The following ABCC4 variants were observed in gnomAD, a reference collection of about 807,000 sequenced individuals.
ABCC4 encodes ATP binding cassette subfamily C member 4 (PEL blood group).
A neutral mutation model predicts 168.5 loss-of-function variants in ABCC4; 102 were observed. The ratio of observed to expected loss-of-function variants is 0.61; its 90% CI spans 0.52 to 0.71. ABCC4 has a LOEUF of 0.71. Ranked by LOEUF, ABCC4 falls within the 30% of genes least tolerant of loss-of-function variation. The pLI is 0.00. For synonymous variants in ABCC4, 617 were observed against 590.7 expected, an observed-to-expected ratio of 1.04 and a Z score of -0.65; for missense variants, 1,402 against 1,605.8, an observed-to-expected ratio of 0.87 and a Z score of 2.17.
At chr13:95,157,865 A>C (rs545774935) in intron 19 of ABCC4, among the ~76,000 whole-genome samples, 2 of 151,996 alleles carry the variant, frequency 1.3e-5, no homozygotes, top group African/African-American at 2.4e-5. Flanking sequence ...AGGTCAGGAG[A>C]TCGAGACCAT....
rs116097308 is a variant in ABCC4 at position 95,137,306 on chromosome 13, G to A, written c.2456-21305C>T. The stretch of plus-strand genomic sequence containing the variant: ...TTCTTACTCAGAGCACAACATCTAT[G>A]CTTTGTCCTGCTCCAGCTCACAGGC... On this transcript the variant is annotated intron_variant, in intron 19 of 30. Transcript: ENST00000645237. Among the ~76,000 whole-genome samples the A allele has an allele frequency of 9.2e-3, 1,403 of 152,294 alleles. 30 individuals carry two copies. The highest frequency in any genetic ancestry group is 0.031 in the African/African-American group (1,296 of 41,544).
chr13:95,107,049 G>T (rs1353637746), intron 20 of ABCC4, among the ~76,000 whole-genome samples: 1 of 152,092 alleles, frequency 6.6e-6, no homozygotes, highest in Non-Finnish European at 1.5e-5. Context: ...CTGAGGTCAG[G>T]AGTTCAAGAC....
At chr13:95,164,272 C>T (rs554736910) in intron 16 of ABCC4, 106 bp downstream of exon 16, 10 of 1,403,258 alleles carry the variant, frequency 7.1e-6, no homozygotes, top group African/African-American at 2.9e-5. Flanking sequence ...AAAGACAGCA[C>T]ATTTCAATTC....
rs775316511 is a variant in ABCC4 at position 95,075,494 on chromosome 13, C to T, written c.2744G>A (p.Arg915Gln). ...SSSLQGLWTI[R>Q]AYKAEERCQE... is the part of the protein sequence containing the mutation. ...ACACCTCTCTTCTGCTTTGTATGCC[C>T]GGATGGTCCAGAGCCCCTGGAGAGA... is the stretch of plus-strand genomic sequence containing the variant. Residue 915 changes from arginine to glutamine, a missense_variant, in exon 22 of 31, where the codon CGG becomes CAG. By Grantham distance (43) the Arg-to-Gln change is conservative (BLOSUM62 1). Around this residue, in one of 3 missense-constraint regions of ABCC4, gnomAD observed 1,007 missense variants for 1,127.3 expected, o/e 0.89. Coordinates refer to ENST00000645237, the MANE Select transcript of ABCC4 (RefSeq NM_005845.5). 19 of 1,613,930 alleles carry T rather than the reference C, an allele frequency of 1.2e-5. No individual in the cohort carries two copies. The highest frequency in any genetic ancestry group is 2.2e-5 in the East Asian group (1 of 44,878).
At chr13:95,109,689 T>C (rs1245089958) in intron 20 of ABCC4, among the ~76,000 whole-genome samples, 2 of 152,186 alleles carry the variant, frequency 1.3e-5, no homozygotes, top group East Asian at 1.9e-4. Flanking sequence ...AGAGCTAGGA[T>C]TGGAAATTTG....
At chr13:95,075,831 A>G in intron 21 of ABCC4, 1 of 314,936 alleles carries the variant, frequency 3.2e-6, no homozygotes, top group Non-Finnish European at 5.8e-6. Flanking sequence ...TTCCTAACTC[A>G]GCCTTCCAGG....
intron 19 of ABCC4, among the ~76,000 whole-genome samples, chr13:95,119,187 A>C (rs900858127): frequency 3.3e-5 from 5 of 152,214 alleles, no homozygotes; most frequent in Non-Finnish European, 7.3e-5. Context: ...CTCACATTTA[A>C]TGTAAATCCA....
chr13:95,277,273 A>T (rs1201586985), intron 1 of ABCC4, among the ~76,000 whole-genome samples: 2 of 151,974 alleles, frequency 1.3e-5, no homozygotes, highest in East Asian at 3.9e-4. Flanking sequence ...AGAGGGGGTC[A>T]GAGTAACAGT....
intron 19 of ABCC4, among the ~76,000 whole-genome samples, chr13:95,119,362 C>G (rs1273470610): frequency 1.3e-5 from 2 of 152,030 alleles, no homozygotes; most frequent in Non-Finnish European, 2.9e-5. Context: ...TTTGGTAAAT[C>G]AGAAGCAGGA....
intron 19 of ABCC4, among the ~76,000 whole-genome samples, chr13:95,120,946 C>A (rs886822178): frequency 6.6e-6 from 1 of 152,116 alleles, no homozygotes; most frequent in Non-Finnish European, 1.5e-5. Context: ...GGGGAGGAAG[C>A]CATTTGAGGG....
At chr13:95,184,945 T>C (rs1308688139) in intron 11 of ABCC4, among the ~76,000 whole-genome samples, 1 of 152,188 alleles carries the variant, frequency 6.6e-6, no homozygotes, top group Non-Finnish European at 1.5e-5. Flanking sequence ...GAAATCACCT[T>C]GTATATTCTC....
intron 26 of ABCC4, among the ~76,000 whole-genome samples, chr13:95,054,401 A>G (rs2032976271): frequency 6.6e-6 from 1 of 152,004 alleles, no homozygotes; most frequent in African/African-American, 2.4e-5. Flanking sequence ...TTCTTCTGGT[A>G]GCTGGGTGCG....
rs1324913258 is a variant in ABCC4 at position 95,083,602 on chromosome 13, C to A, written c.2536-312G>T. The stretch of plus-strand genomic sequence containing the variant: ...AGTGAAGTGGTGCCATCTCCTCTCA[C>A]TGCAGCCTCCCACTCCCGTGTTCAA... On this transcript the variant is annotated intron_variant, in intron 20 of 30. Coordinates refer to ENST00000645237, the MANE Select transcript of ABCC4 (RefSeq NM_005845.5). 2.6e-5 allele frequency among the ~76,000 whole-genome samples: 4 copies of A among 151,110 alleles called. 1 individual carries two copies. The highest frequency in any genetic ancestry group is 2.0e-4 in the Admixed American group (3 of 15,168).
At chr13:95,263,125 A>G (rs539272344) in intron 1 of ABCC4, among the ~76,000 whole-genome samples, 1 of 152,294 alleles carries the variant, frequency 6.6e-6, no homozygotes, top group Admixed American at 6.5e-5. Flanking sequence ...GCCCTACAGA[A>G]AAAAACGTGT....
intron 1 of ABCC4, among the ~76,000 whole-genome samples, chr13:95,248,368 G>C (rs1360543710): frequency 3.3e-5 from 5 of 152,224 alleles, no homozygotes; most frequent in Admixed American, 3.3e-4. Context: ...GCTAAAACCA[G>C]TCAGTGAAGG....
intron 20 of ABCC4, among the ~76,000 whole-genome samples, chr13:95,108,427 G>A (rs758204205): frequency 5.3e-5 from 8 of 152,080 alleles, no homozygotes; most frequent in Non-Finnish European, 8.8e-5. Context: ...GGGACCCAGG[G>A]GGAGGTAACT....
Position 95,053,135 on chromosome 13 carries a change from T to C in ABCC4, c.3416A>G (p.Asn1139Ser), listed in dbSNP as rs2032910098. The C allele has an allele frequency of 6.2e-7, 1 of 1,614,020 alleles. No individual in the cohort carries two copies. Among genetic ancestry groups the C allele is most frequent in the African/African-American group, 1.3e-5 (1 of 74,930 alleles). ...CCACAGTTCCTCATCCGTGTGCTCA[T>C]TAAAGGGATCCAGGTTTTTCCTCAT... ...GTMRKNLDPF[N>S]EHTDEELWNA... The change falls in exon 27 of 31, where the codon AAT becomes AGT. Residue 1139 changes from asparagine (N) to serine (S), a missense_variant. This residue lies in a region of ABCC4 where 1,007 missense variants were observed against 1,127.3 expected (regional missense o/e 0.89). Transcript: ENST00000645237.
chr13:95,200,677 C>T (rs946128653), intron 8 of ABCC4, among the ~76,000 whole-genome samples: 1 of 152,084 alleles, frequency 6.6e-6, no homozygotes, highest in Admixed American at 6.6e-5. Flanking sequence ...GCTGAGATCA[C>T]GCCACTGCAC....
chr13:95,151,510 A>T (rs2036675555), intron 19 of ABCC4, among the ~76,000 whole-genome samples: 2 of 150,444 alleles, frequency 1.3e-5, no homozygotes, highest in Non-Finnish European at 1.5e-5. Context: ...AAGAACAAAG[A>T]GGAAAGAAGG....
Sources: gnomAD v4.1 joint callset for allele counts (sites outside exome capture counted in the v4.1 genomes callset) on GRCh38, gnomAD v4.1.1 for gene constraint, gnomAD v4.1.1 regional missense constraint, MANE v1.5 for transcripts, NCBI Gene and HGNC (gene_info 2026-07-23, HGNC 2026-07-21) for gene names.